Variants in POF1B observed in about 807,000 individuals in gnomAD.
POF1B encodes protein POF1B.
In POF1B, 53 loss-of-function variants were observed where a neutral mutation model predicts 55.3. That is an observed-to-expected ratio of 0.96 (90% confidence interval 0.77 to 1.20). The LOEUF (loss-of-function observed/expected upper bound fraction) is 1.20, where lower values mean the gene tolerates loss of function less well. Ranked by LOEUF, POF1B falls within the 50% of genes most tolerant of loss-of-function variation. The probability of loss-of-function intolerance (pLI) is 0.00; values close to 1 mark genes in which losing one functional copy is unlikely to be tolerated. For synonymous variants in POF1B, 188 were observed against 148.3 expected (o/e 1.27, Z -1.95); for missense variants, 478 against 420.5 (o/e 1.14, Z -1.20).
chrX:85,308,259 G>T (rs1932621654), intron 9 of POF1B, 43 bp from the exon 10 acceptor site: 1 of 920,638 alleles, frequency 1.1e-6, no homozygotes, highest in Non-Finnish European at 1.5e-6. Context: ...ATTAACATTT[G>T]AAAATAGGCA....
At chrX:85,290,716 A>G (rs1932166084) in intron 15 of POF1B, among the ~76,000 whole-genome samples, 1 of 111,739 alleles carries the variant, frequency 8.9e-6, no homozygotes, top group African/African-American at 3.3e-5. Context: ...GATGATGAGC[A>G]TTTTATTCAT....
At chrX:85,318,488 G>A (rs1358742784) in intron 7 of POF1B, among the ~76,000 whole-genome samples, 1 of 111,722 alleles carries the variant, frequency 9.0e-6, no homozygotes, top group Admixed American at 9.5e-5. Flanking sequence ...ATCTTCTAGA[G>A]TTTTTATAGA....
intron 2 of POF1B, among the ~76,000 whole-genome samples, chrX:85,378,072 A>C (rs1194779460): frequency 9.0e-6 from 1 of 111,555 alleles, no homozygotes; most frequent in African/African-American, 3.3e-5. Context: ...CATTTGCATT[A>C]TTTTTATCAC....
chrX:85,308,120 T>A lies in POF1B; in HGVS notation c.1050+4A>T. ...GCTTTGGAAAAAATCAAAATAAATCTTACTGTCATATCATTTTGAAGATGT... is the reference window on the plus strand; with the variant it reads ...GCTTTGGAAAAAATCAAAATAAATCATACTGTCATATCATTTTGAAGATGT... On this transcript the variant is annotated splice_donor_region_variant and intron_variant, in intron 10 of 16. Coordinates refer to ENST00000262753, the MANE Select transcript of POF1B (RefSeq NM_024921.4). The A allele has an allele frequency of 8.7e-7, 1 of 1,150,123 alleles. No individual in the cohort carries two copies. 94.8% of individuals were successfully genotyped at this position (1,150,123 alleles called of 1,213,427 possible). A position where few individuals can be genotyped will look rare whatever the true frequency, so the allele number is the denominator to read the frequency against.
rs1389380401 is a variant in POF1B at position 85,379,294 on chromosome X, G to A, written c.161C>T (p.Thr54Ile). The A allele has an allele frequency of 8.3e-7, 1 of 1,210,436 alleles. No individual in the cohort carries two copies. The highest frequency in any genetic ancestry group is 1.1e-6 in the Non-Finnish European group (1 of 895,226). The change falls in exon 2 of 17, where the codon ACC becomes ATC. Residue 54 changes from threonine to isoleucine, a missense_variant. Transcript: ENST00000262753. ...CACCTTGTTCATGGGCCCACTGTAG[G>A]TCCTCACTCGCTCATACACTACATT... ...EKNVVYERVR[T>I]YSGPMNKVVQ...
intron 15 of POF1B, among the ~76,000 whole-genome samples, chrX:85,297,676 G>T (rs1445411112): frequency 2.3e-5 from 2 of 87,856 alleles, no homozygotes; most frequent in Non-Finnish European, 4.9e-5. Flanking sequence ...GGTACTCTGT[G>T]GGGACCAGGG....
chrX:85,327,870 G>A (rs1023182388), intron 7 of POF1B, among the ~76,000 whole-genome samples: 1 of 111,962 alleles, frequency 8.9e-6, no homozygotes, highest in African/African-American at 3.2e-5. Flanking sequence ...AACAAAACAA[G>A]GAACAATAAA....
chrX:85,337,621 G>C (rs1933099818), intron 6 of POF1B, among the ~76,000 whole-genome samples: 1 of 111,669 alleles, frequency 9.0e-6, no homozygotes, highest in Non-Finnish European at 1.9e-5. Context: ...TCACTGAATT[G>C]AATGTACTGT....
intron 7 of POF1B, among the ~76,000 whole-genome samples, chrX:85,330,005 A>G (rs1384879146): frequency 9.1e-6 from 1 of 109,987 alleles, no homozygotes; most frequent in Non-Finnish European, 1.9e-5. Context: ...AATTAGAAGA[A>G]TCTAGTTAGT....
intron 12 of POF1B, 79 bp from the exon 13 acceptor site, chrX:85,305,989 A>C: frequency 9.3e-7 from 1 of 1,076,324 alleles, no homozygotes; most frequent in Non-Finnish European, 1.3e-6. Context: ...TTGTTATTAG[A>C]TGAAAACCAC....
intron 15 of POF1B, among the ~76,000 whole-genome samples, chrX:85,283,586 C>T (rs67405575): frequency 0.22 from 23,716 of 109,017 alleles, 2,451 homozygotes; most frequent in African/African-American, 0.41. Context: ...CAAATGTCCT[C>T]ATATATATAT....
At chrX:85,372,217 G>A (rs1933835675) in intron 2 of POF1B, among the ~76,000 whole-genome samples, 1 of 109,164 alleles carries the variant, frequency 9.2e-6, no homozygotes, top group South Asian at 4.1e-4. Flanking sequence ...GGTGGCGGGC[G>A]CCTATATTCC....
intron 4 of POF1B, among the ~76,000 whole-genome samples, 193 bp from the exon 5 acceptor site, chrX:85,351,644 A>G: frequency 9.0e-6 from 1 of 110,766 alleles, no homozygotes; most frequent in East Asian, 2.9e-4. Flanking sequence ...ATCAAAAAGA[A>G]CAATCTGGAT....
At chrX:85,359,085 C>G (rs1933557148) in intron 4 of POF1B, among the ~76,000 whole-genome samples, 1 of 110,937 alleles carries the variant, frequency 9.0e-6, no homozygotes, top group Admixed American at 9.6e-5. Context: ...ACACCACAGG[C>G]AATAAAGGCA....
At chrX:85,336,571 C>T (rs991582063) in intron 6 of POF1B, among the ~76,000 whole-genome samples, 1 of 111,289 alleles carries the variant, frequency 9.0e-6, no homozygotes, top group Non-Finnish European at 1.9e-5. Flanking sequence ...ATGTTGAGCA[C>T]ATTTTTACAC....
chrX:85,307,251 A>C lies in POF1B; in HGVS notation c.1076T>G (p.Leu359Arg). Residue 359 changes from leucine to arginine, a missense_variant, in exon 11 of 17, where the codon CTT becomes CGT. By Grantham distance (102) the Leu-to-Arg change is moderately radical. Coordinates refer to ENST00000262753, the MANE Select transcript of POF1B (RefSeq NM_024921.4). ...MTSLENDKMR[L>R]EKDLSFKDTQ... is the part of the protein sequence containing the mutation. Reference sequence around the variant, plus strand: ...GTCTTTGAATGATAAATCTTTCTCAAGTCTCATCTTGTCATTTTCCAGTGA... The same window carrying C: ...GTCTTTGAATGATAAATCTTTCTCACGTCTCATCTTGTCATTTTCCAGTGA... 1 of 1,198,322 alleles carries C rather than the reference A, an allele frequency of 8.3e-7. No homozygotes were observed. The highest frequency in any genetic ancestry group is 1.1e-6 in the Non-Finnish European group (1 of 887,289).
chrX:85,351,843 G>A (rs1489614368), intron 4 of POF1B, among the ~76,000 whole-genome samples: 1 of 110,515 alleles, frequency 9.0e-6, no homozygotes, highest in Non-Finnish European at 1.9e-5. Context: ...AATATTGTTG[G>A]AGAAATGCAA....
At chrX:85,369,313 C>T (rs765457964) in intron 2 of POF1B, among the ~76,000 whole-genome samples, 139 of 111,089 alleles carry the variant, frequency 1.3e-3, no homozygotes, top group African/African-American at 4.3e-3. Flanking sequence ...GTTTGGCCCA[C>T]AGACCCAAGA....
intron 14 of POF1B, 145 bp downstream of exon 14, chrX:85,304,198 C>G (rs941083789): frequency 2.8e-5 from 16 of 572,935 alleles, no homozygotes; most frequent in Non-Finnish European, 3.6e-5. Flanking sequence ...TATTCTACTT[C>G]CTCACTTGCA....
Sources: allele counts gnomAD v4.1 joint callset (sites outside exome capture counted in the v4.1 genomes callset), GRCh38; gene constraint gnomAD v4.1.1; transcripts MANE v1.5; gene names NCBI Gene and HGNC (gene_info 2026-07-23, HGNC 2026-07-21).